Variants in CTSL observed in about 807,000 individuals in gnomAD.
CTSL encodes cathepsin L, also known as procathepsin L.
In CTSL, 23 loss-of-function variants were observed where a neutral mutation model predicts 34.7. The observed-to-expected ratio is 0.66, with a 90% confidence interval of 0.48 to 0.94. The LOEUF is 0.94. Ranked by LOEUF, CTSL falls within the 40% of genes least tolerant of loss-of-function variation. The pLI, the probability that CTSL is intolerant of heterozygous loss-of-function variation, is 0.00. For missense variants in CTSL, 361 were observed against 406.3 expected, an observed-to-expected ratio of 0.89 and a Z score of 0.96; for synonymous variants, 129 against 136.7, an observed-to-expected ratio of 0.94 and a Z score of 0.39.
Position 87,728,057 on chromosome 9 carries a change from G to A in CTSL, c.157G>A (p.Glu53Lys), listed in dbSNP as rs1554710079. The change falls in exon 3 of 8, where the codon GAG (glutamate) becomes AAG (lysine). Residue 53 changes from glutamate to lysine, a missense_variant. Physicochemically the swap from Glu to Lys is moderately conservative, Grantham distance 56 (BLOSUM62 1). Coordinates refer to ENST00000343150, the MANE Select transcript of CTSL (RefSeq NM_001912.5). Reference protein sequence around the residue: ...NEEGWRRAVWEKNMKMIELHN... With the variant: ...NEEGWRRAVWKKNMKMIELHN... ...AGAAGGATGGAGGAGAGCAGTGTGGGAGAAGAACATGAAGATGATTGAACT... is the reference window on the plus strand; with the variant it reads ...AGAAGGATGGAGGAGAGCAGTGTGGAAGAAGAACATGAAGATGATTGAACT... The A allele has an allele frequency of 1.9e-6, 3 of 1,613,902 alleles. No homozygotes were observed. The highest frequency in any genetic ancestry group is 2.2e-5 in the East Asian group (1 of 44,878).
rs1005554386 is a variant in CTSL, at chr9:87,730,312, G to A, written c.785-69G>A. 69 of 941,888 alleles carry A rather than the reference G, an allele frequency of 7.3e-5. No homozygotes were observed. The African/African-American group carries it at 1.1e-3, about 15-fold the overall frequency. The allele number at this position is 941,888 out of a possible 1,614,324, so 58.3% of individuals were successfully genotyped here. ...TTCAGAGATGCCTCATTCCCTGTGGGTGACAGGATGGGTTACTGTCATGTG... is the reference window on the plus strand; with the variant it reads ...TTCAGAGATGCCTCATTCCCTGTGGATGACAGGATGGGTTACTGTCATGTG... On this transcript the variant is annotated intron_variant, in intron 6 of 7. Coordinates refer to ENST00000343150, the MANE Select transcript of CTSL (RefSeq NM_001912.5).
intron 1 of CTSL, 85 bp from the exon 2 acceptor site, chr9:87,727,509 C>A (rs1826064749): frequency 7.7e-7 from 1 of 1,305,856 alleles, no homozygotes; most frequent in Admixed American, 1.9e-5. Context: ...TTTATTCTAC[C>A]ATGGTGGCCC....
intron 7 of CTSL, 54 bp downstream of exon 7, chr9:87,730,552 GC>G: frequency 1.6e-6 from 2 of 1,283,434 alleles, no homozygotes; most frequent in Non-Finnish European, 2.2e-6. Context: ...ATACTTATTT[GC>G]AAACAGTGTT....
In CTSL at chr9:87,728,880, C is replaced by A. The variant is rs752056590; in HGVS notation, c.621+71C>A. 4 of 1,604,350 alleles carry A rather than the reference C, an allele frequency of 2.5e-6. No homozygotes were observed. The South Asian group carries it at 3.3e-5, about 13-fold the overall frequency. ...TGGACACTTTAAGAGATAACAGATA[C>A]CTTTTTCGGAATTCATATATTAGGG... is the stretch of plus-strand genomic sequence containing the variant. On this transcript the variant is annotated intron_variant, in intron 5 of 7. Coordinates refer to ENST00000343150, the MANE Select transcript of CTSL (RefSeq NM_001912.5).
chr9:87,730,642 G>C, intron 7 of CTSL, 144 bp downstream of exon 7: 1 of 599,954 alleles, frequency 1.7e-6, no homozygotes, highest in Non-Finnish European at 2.9e-6. Context: ...ATTAATGTTT[G>C]ATTATAAAAG....
At chr9:87,727,210 G>T (rs1826048333) in intron 1 of CTSL, among the ~76,000 whole-genome samples, 1 of 152,132 alleles carries the variant, frequency 6.6e-6, no homozygotes, top group Non-Finnish European at 1.5e-5. Context: ...GTGAGGTTTT[G>T]CCTGGGCACG....
At position 87,731,141 on chromosome 9, in the gene CTSL, G is replaced by C. The variant is rs749407282; in HGVS notation, c.*34G>C. ...ACGGTGATGAGGAAGGACTTGACTG[G>C]GGATGGCGCATGCATGGGAGGAATT... On this transcript the variant is annotated 3_prime_UTR_variant, in exon 8 of 8. Coordinates refer to ENST00000343150, the MANE Select transcript of CTSL (RefSeq NM_001912.5). 1.3e-6 allele frequency: 2 copies of C among 1,550,494 alleles called. No individual in the cohort carries two copies. The highest frequency in any genetic ancestry group is 2.2e-5 in the South Asian group (2 of 89,082).
rs777796943 is a variant in CTSL, at chr9:87,730,498, G to A, written c.902G>A (p.Ser301Asn). The A allele has an allele frequency of 1.3e-6, 2 of 1,581,098 alleles. No individual in the cohort carries two copies. The highest frequency in any genetic ancestry group is 1.7e-6 in the Non-Finnish European group (2 of 1,158,478). The part of the protein sequence containing the change: ...DNNKYWLVKN[S>N]WGEEWGMGGY... The stretch of plus-strand genomic sequence containing the variant: ...AATAAATATTGGCTGGTGAAGAACA[G>A]GTATAAATTGCCAGAAATACTTACA... The change falls in exon 7 of 8, where the codon AGC becomes AAC. Residue 301 changes from serine (S) to asparagine (N), a missense_variant and splice_region_variant. Transcript: ENST00000343150.
chr9:87,728,548 T>C, intron 4 of CTSL, 37 bp from the exon 5 acceptor site: 1 of 1,590,540 alleles, frequency 6.3e-7, no homozygotes, highest in Non-Finnish European at 8.5e-7. Context: ...ATTATTTTTT[T>C]TTTGTGGATG....
intron 7 of CTSL, 81 bp downstream of exon 7, chr9:87,730,579 A>G (rs1826219647): frequency 3.1e-6 from 3 of 962,528 alleles, no homozygotes; most frequent in Non-Finnish European, 4.8e-6. Flanking sequence ...ACAGTTCCAC[A>G]TGCCCTTAGG....
chr9:87,727,476 C>A, intron 1 of CTSL, 118 bp from the exon 2 acceptor site: 1 of 1,104,776 alleles, frequency 9.1e-7, no homozygotes, highest in Non-Finnish European at 1.3e-6. Context: ...TGGGTAAATG[C>A]TTGGGAGAAT....
intron 2 of CTSL, 61 bp downstream of exon 2, chr9:87,727,790 A>G (rs1826085078): frequency 1.3e-6 from 2 of 1,597,652 alleles, no homozygotes; most frequent in South Asian, 1.1e-5. Flanking sequence ...GTCAGAGAGT[A>G]GCTTCTAGAG....
rs1490742804 is a variant in CTSL, at chr9:87,729,075, G to A, written c.621+266G>A. The A allele has an allele frequency of 5.7e-6, 5 of 881,294 alleles. No homozygotes were observed. In the Admixed American group the frequency reaches 1.5e-4, roughly 26 times the overall value. The allele number at this position is 881,294 out of a possible 1,614,324, so 54.6% of individuals were successfully genotyped here. On this transcript the variant is annotated intron_variant, in intron 5 of 7. Transcript: ENST00000343150. ...GTGGTGGTGTGCGTCTGTGGTCCCA[G>A]CTATGCTGAGGTAGGGCGATTGCTT...
At chr9:87,730,938 T>G in intron 7 of CTSL, 70 bp from the exon 8 acceptor site, 1 of 1,242,106 alleles carries the variant, frequency 8.1e-7, no homozygotes, top group Non-Finnish European at 1.2e-6. Flanking sequence ...GTGTTTAAGT[T>G]GGGTGTTCCT....
At position 87,730,988 on chromosome 9, in the gene CTSL, A is replaced by T; in HGVS notation, c.903-20A>T. Reference sequence around the variant, plus strand: ...GGGCTTTATTCTTTCTCTGAAATGGAAAACCTGCTCTTTTTTCAGCTGGGG... The same window carrying T: ...GGGCTTTATTCTTTCTCTGAAATGGTAAACCTGCTCTTTTTTCAGCTGGGG... On this transcript the variant is annotated intron_variant, in intron 7 of 7. Transcript: ENST00000343150. 6.2e-7 allele frequency: 1 copy of T among 1,608,840 alleles called. No individual in the cohort carries two copies. Among genetic ancestry groups the T allele is most frequent in the Non-Finnish European group, 8.5e-7 (1 of 1,175,442 alleles).
intron 7 of CTSL, among the ~76,000 whole-genome samples, 184 bp downstream of exon 7, chr9:87,730,682 A>G (rs182971453): frequency 1.4e-4 from 21 of 152,384 alleles, no homozygotes; most frequent in Admixed American, 5.2e-4. Context: ...TCTTGGGAGT[A>G]TGAATATAGT....
In CTSL at chr9:87,728,582, C is replaced by T. The variant is rs1826131932; in HGVS notation, c.397-3C>T. 3 of 1,602,394 alleles carry T rather than the reference C, an allele frequency of 1.9e-6. No homozygotes were observed. Among genetic ancestry groups the T allele is most frequent in the East Asian group, 4.5e-5 (2 of 44,730 alleles). ...TGACAGCTTTTTTTAATTCCCTTTT[C>T]AGGGTCAGTGTGGTTCTTGTTGGGC... On this transcript the variant is annotated splice_region_variant and splice_polypyrimidine_tract_variant and intron_variant, in intron 4 of 7. Coordinates refer to ENST00000343150, the MANE Select transcript of CTSL (RefSeq NM_001912.5).
At chr9:87,729,539 A>G in intron 5 of CTSL, 34 bp from the exon 6 acceptor site, 2 of 1,603,016 alleles carry the variant, frequency 1.2e-6, no homozygotes, top group Non-Finnish European at 1.7e-6. Flanking sequence ...GGACAGCAGT[A>G]ATCAAGTCTT....
intron 5 of CTSL, 198 bp downstream of exon 5, chr9:87,729,007 G>T: frequency 1.5e-6 from 2 of 1,370,146 alleles, no homozygotes; most frequent in Non-Finnish European, 1.9e-6. Flanking sequence ...GCAACAAGGT[G>T]AAACCTTGAC....
Sources: gnomAD v4.1 joint callset for allele counts (sites outside exome capture counted in the v4.1 genomes callset) on GRCh38, gnomAD v4.1.1 for gene constraint, MANE v1.5 for transcripts, NCBI Gene and HGNC (gene_info 2026-07-23, HGNC 2026-07-21) for gene names.